The following FHIT variants were observed in gnomAD, a reference collection of about 807,000 sequenced individuals.
FHIT encodes bis(5'-adenosyl)-triphosphatase.
A neutral mutation model predicts 17.9 loss-of-function variants in FHIT; 19 were observed. The observed-to-expected ratio is 1.06, with a 90% confidence interval of 0.74 to 1.56. FHIT has a LOEUF of 1.56. Ranked by LOEUF, FHIT falls within the 40% of genes most tolerant of loss-of-function variation. The probability of loss-of-function intolerance (pLI) is 0.00; values close to 1 mark genes in which losing one functional copy is unlikely to be tolerated. For missense variants in FHIT, 248 were observed against 189.2 expected, an observed-to-expected ratio of 1.31 and a Z score of -1.82; for synonymous variants, 81 against 69.7, an observed-to-expected ratio of 1.16 and a Z score of -0.81.
At chr3:60,166,404 A>C (rs1280913308) in intron 5 of FHIT, among the ~76,000 whole-genome samples, 1 of 152,182 alleles carries the variant, frequency 6.6e-6, no homozygotes, top group African/African-American at 2.4e-5. Flanking sequence ...GCTATTTCAA[A>C]CTTCCAGGGA....
chr3:60,554,108 C>G (rs754966978), intron 4 of FHIT, among the ~76,000 whole-genome samples: 2 of 151,726 alleles, frequency 1.3e-5, no homozygotes, highest in Non-Finnish European at 2.9e-5. Flanking sequence ...AGAAAAAAAA[C>G]GTATCAGGGA....
intron 8 of FHIT, chr3:59,886,206 G>A (rs537518811): frequency 6.6e-6 from 1 of 152,224 alleles, no homozygotes; most frequent in South Asian, 2.1e-4. Context: ...GAAAAAGGCA[G>A]TGTTCATTCT....
Position 61,023,298 on chromosome 3 carries a change from A to G in FHIT, c.-111+18749T>C, listed in dbSNP as rs554591429. Among the ~76,000 whole-genome samples, 17 of 152,290 alleles carry G rather than the reference A, an allele frequency of 1.1e-4. No individual in the cohort carries two copies. The South Asian group carries it at 3.1e-3, about 28-fold the overall frequency. ...ATACAACTTACAAGGGATGTGAAGG[A>G]CCTCTTCAAGGAGAACTACAAACCA... On this transcript the variant is annotated intron_variant, in intron 3 of 9. Transcript: ENST00000492590.
At chr3:60,406,671 A>G in intron 5 of FHIT, among the ~76,000 whole-genome samples, 1 of 99,380 alleles carries the variant, frequency 1.0e-5, no homozygotes, top group South Asian at 3.6e-4. Context: ...CTAGAGAAGG[A>G]TGGTGGGGGG....
At chr3:60,565,292 T>C (rs1255486295) in intron 4 of FHIT, among the ~76,000 whole-genome samples, 2 of 152,144 alleles carry the variant, frequency 1.3e-5, no homozygotes, top group African/African-American at 2.4e-5. Flanking sequence ...CCATAATATC[T>C]TTGAGGTATG....
chr3:60,477,245 A>C (rs943512909), intron 5 of FHIT, among the ~76,000 whole-genome samples: 4 of 152,094 alleles, frequency 2.6e-5, no homozygotes, highest in African/African-American at 9.7e-5. Flanking sequence ...TTTCCTGGTC[A>C]GAATCTTTTT....
intron 5 of FHIT, among the ~76,000 whole-genome samples, chr3:60,065,232 GA>G (rs1702451499): frequency 6.6e-6 from 1 of 152,176 alleles, no homozygotes; most frequent in African/African-American, 2.4e-5. Context: ...GAATGTGGAG[GA>G]ACCTTATGAG....
At chr3:60,155,655 G>C (rs1402383973) in intron 5 of FHIT, among the ~76,000 whole-genome samples, 1 of 152,168 alleles carries the variant, frequency 6.6e-6, no homozygotes, top group Non-Finnish European at 1.5e-5. Flanking sequence ...GATTGATCCA[G>C]GAATGGGCTC....
intron 5 of FHIT, among the ~76,000 whole-genome samples, chr3:60,364,356 C>A (rs924322421): frequency 1.3e-5 from 2 of 152,192 alleles, no homozygotes; most frequent in African/African-American, 4.8e-5. Context: ...CTCCTTTGAC[C>A]CCCTCCTTGC....
intron 4 of FHIT, among the ~76,000 whole-genome samples, chr3:60,612,066 C>G (rs2038802330): frequency 6.6e-6 from 1 of 152,092 alleles, no homozygotes. Flanking sequence ...TGAACTGGCC[C>G]AGAAATAATA....
chr3:60,147,667 G>A (rs1314541741), intron 5 of FHIT, among the ~76,000 whole-genome samples: 2 of 152,154 alleles, frequency 1.3e-5, no homozygotes, highest in African/African-American at 4.8e-5. Flanking sequence ...CAAGGAAACA[G>A]CCAAGAAACC....
chr3:60,370,949 A>G (rs1224452187), intron 5 of FHIT, among the ~76,000 whole-genome samples: 4 of 152,232 alleles, frequency 2.6e-5, no homozygotes, highest in Non-Finnish European at 2.9e-5. Context: ...CGCTTCTCTA[A>G]TAATTTACAT....
intron 5 of FHIT, among the ~76,000 whole-genome samples, chr3:60,129,889 TC>T (rs1262498386): frequency 6.6e-6 from 1 of 152,168 alleles, no homozygotes; most frequent in Non-Finnish European, 1.5e-5. Flanking sequence ...AGATTTCCAT[TC>T]AAAAATCCTG....
chr3:59,790,560 C>T (rs922313624), intron 8 of FHIT, among the ~76,000 whole-genome samples: 1 of 151,762 alleles, frequency 6.6e-6, no homozygotes, highest in Non-Finnish European at 1.5e-5. Context: ...CATCTGTCTT[C>T]ATCATTGCAT....
At chr3:60,001,784 G>C (rs1037648062) in intron 7 of FHIT, among the ~76,000 whole-genome samples, 9 of 152,100 alleles carry the variant, frequency 5.9e-5, no homozygotes, top group African/African-American at 2.2e-4. Context: ...GCAGAGCTTG[G>C]AGTCACATTT....
chr3:60,870,199 G>A (rs1704347369), intron 3 of FHIT, among the ~76,000 whole-genome samples: 1 of 151,898 alleles, frequency 6.6e-6, no homozygotes, highest in Non-Finnish European at 1.5e-5. Flanking sequence ...TCAGAAATGA[G>A]AAAACTAATA....
intron 3 of FHIT, among the ~76,000 whole-genome samples, chr3:60,942,350 G>A (rs1038676206): frequency 6.6e-6 from 1 of 152,052 alleles, no homozygotes; most frequent in Non-Finnish European, 1.5e-5. Flanking sequence ...GACTTAACCT[G>A]GTCATTATGT....
intron 8 of FHIT, among the ~76,000 whole-genome samples, chr3:59,790,893 G>C (rs1423019202): frequency 1.3e-5 from 2 of 151,958 alleles, no homozygotes; most frequent in East Asian, 1.9e-4. Context: ...TATTTTCTGA[G>C]GTCATTCCTA....
At chr3:60,531,233 T>G (rs1036278204) in intron 5 of FHIT, among the ~76,000 whole-genome samples, 23 of 152,014 alleles carry the variant, frequency 1.5e-4, no homozygotes, top group African/African-American at 5.3e-4. Flanking sequence ...AAAATAGTGC[T>G]TGTGCTCATT....
Sources: gnomAD v4.1 joint callset for allele counts (sites outside exome capture counted in the v4.1 genomes callset) on GRCh38, gnomAD v4.1.1 for gene constraint, MANE v1.5 for transcripts, NCBI Gene and HGNC (gene_info 2026-07-23, HGNC 2026-07-21) for gene names.